MOGAT3: variants seen among roughly 807,000 people sequenced by gnomAD.
MOGAT3 encodes the protein 2-acylglycerol O-acyltransferase 3.
MOGAT3 carries 39 observed loss-of-function variants against 34.4 expected under a neutral mutation model. The ratio of observed to expected loss-of-function variants is 1.13; its 90% CI spans 0.88 to 1.48. The LOEUF (loss-of-function observed/expected upper bound fraction) is 1.48. Among genes scored for constraint, MOGAT3 ranks in the 40% most tolerant of loss-of-function variants. MOGAT3 has a pLI of 0.00. For synonymous variants in MOGAT3, 209 were observed against 179.2 expected, an observed-to-expected ratio of 1.17 and a Z score of -1.33; for missense variants, 439 against 438.9, an observed-to-expected ratio of 1.00 and a Z score of 0.00.
chr7:101,197,006 T>G (rs1797808746), intron 5 of MOGAT3, among the ~76,000 whole-genome samples: 1 of 151,628 alleles, frequency 6.6e-6, no homozygotes, highest in African/African-American at 2.4e-5. Context: ...CTACTAAAAA[T>G]ACAAAAATTA....
chr7:101,193,865 C>T (rs907749586), downstream of MOGAT3, among the ~76,000 whole-genome samples: 4 of 152,152 alleles, frequency 2.6e-5, no homozygotes, highest in African/African-American at 9.7e-5. Flanking sequence ...TTTTATAGGA[C>T]GGTAGAAGCA....
Position 101,200,240 on chromosome 7 carries a change from A to G in MOGAT3, c.282T>C (p.Pro94=). Residue 94 remains proline, a synonymous_variant, in exon 3 of 7, where the codon CCT becomes CCC. Transcript: ENST00000223114. ...AIWRQLRDYY[P]VKLVKTAELP... ...CTGCAGGGTGACCCATCACCTTGACAGGATAATAATCCCTTAGTTGTCTCC... is the reference window on the plus strand; with the variant it reads ...CTGCAGGGTGACCCATCACCTTGACGGGATAATAATCCCTTAGTTGTCTCC... 2 of 1,613,998 alleles carry G rather than the reference A, an allele frequency of 1.2e-6. No individual in the cohort carries two copies.
At position 101,200,218 on chromosome 7, in the gene MOGAT3, C is replaced by A; in HGVS notation, c.288+16G>T. 1 of 1,611,818 alleles carries A rather than the reference C, an allele frequency of 6.2e-7. No individual in the cohort carries two copies. The highest frequency in any genetic ancestry group is 8.5e-7 in the Non-Finnish European group (1 of 1,178,000). On this transcript the variant is annotated intron_variant, in intron 3 of 6. Transcript: ENST00000223114. ...GGAGAGGTAGGAAGCAGTTTTTCTG[C>A]AGGGTGACCCATCACCTTGACAGGA...
chr7:101,199,302 ACT>A (rs1235263839), intron 3 of MOGAT3, among the ~76,000 whole-genome samples: 3 of 147,814 alleles, frequency 2.0e-5, no homozygotes, highest in Non-Finnish European at 4.5e-5. Flanking sequence ...CACCTCACCC[ACT>A]CTCTCTTTTT....
At chr7:101,199,675 C>T (rs1187395860) in intron 3 of MOGAT3, among the ~76,000 whole-genome samples, 6 of 148,066 alleles carry the variant, frequency 4.1e-5, no homozygotes, top group East Asian at 4.1e-4. Flanking sequence ...AGTACAGTGG[C>T]GCAATCATGG....
chr7:101,196,162 C>A lies in MOGAT3; in HGVS notation c.871+25G>T, dbSNP rs375032418. On this transcript the variant is annotated intron_variant, in intron 6 of 6. Transcript: ENST00000223114. ...TGATGCCCACGCAGCTGCTGGTGGC[C>A]GTCCCCCCGGAGGTGGGCACTCACC... The A allele has an allele frequency of 1.9e-6, 3 of 1,569,504 alleles. No homozygotes were observed. The South Asian group carries it at 3.5e-5, about 18-fold the overall frequency.
intron 5 of MOGAT3, among the ~76,000 whole-genome samples, chr7:101,196,825 C>T (rs1797803929): frequency 6.6e-6 from 1 of 152,182 alleles, no homozygotes; most frequent in Admixed American, 6.6e-5. Flanking sequence ...GCTAAGATCA[C>T]ACCACTGCAC....
At chr7:101,197,872 A>G (rs557997845) in intron 5 of MOGAT3, among the ~76,000 whole-genome samples, 11 of 152,346 alleles carry the variant, frequency 7.2e-5, no homozygotes, top group Admixed American at 7.2e-4. Context: ...TGTCTCAACA[A>G]CAATAACAAA....
intron 2 of MOGAT3, 41 bp downstream of exon 2, chr7:101,200,367 C>A (rs769828414): frequency 9.3e-6 from 15 of 1,609,580 alleles, no homozygotes; most frequent in Non-Finnish European, 1.3e-5. Flanking sequence ...CCCCCATGTC[C>A]CCACCATCTC....
Position 101,196,327 on chromosome 7 carries a change from G to A in MOGAT3, c.731C>T (p.Ala244Val), listed in dbSNP as rs1382440646. ...GCACCAATGCTGCCAGGAGCCTGTG[G>A]CAAAAGCCTTAAGTCTAAAGATGTC... ...ENDIFRLKAF[A>V]TGSWQHWCQL... Residue 244 changes from alanine to valine, a missense_variant, in exon 6 of 7, where the codon GCC (alanine) becomes GTC (valine). Transcript: ENST00000223114. The A allele has an allele frequency of 1.9e-6, 3 of 1,613,936 alleles. No homozygotes were observed. Among genetic ancestry groups the A allele is most frequent in the African/African-American group, 1.3e-5 (1 of 74,908 alleles).
Position 101,198,832 on chromosome 7 carries a change from T to C in MOGAT3, c.289-2A>G. 6.2e-7 allele frequency: 1 copy of C among 1,613,638 alleles called. No individual in the cohort carries two copies. The highest frequency in any genetic ancestry group is 8.5e-7 in the Non-Finnish European group (1 of 1,179,876). On this transcript the variant is annotated splice_acceptor_variant, in intron 3 of 6. Transcript: ENST00000223114. LOFTEE classifies it high-confidence loss of function. ...GGGCAGCTCTGCTGTTTTCACCAGC[T>C]TCGGGGTGTTGAGCAGGATGAAGGG...
At chr7:101,198,888 A>G in intron 3 of MOGAT3, 58 bp from the exon 4 acceptor site, 1 of 1,497,156 alleles carries the variant, frequency 6.7e-7, no homozygotes. Flanking sequence ...GGCTGAAAAG[A>G]GGGGCCCTCC....
rs148580757 is a variant in MOGAT3, at chr7:101,200,782, C to T, written c.73G>A (p.Gly25Ser). The change falls in exon 1 of 7, where the codon GGC becomes AGC. Residue 25 changes from glycine to serine, a missense_variant. Transcript: ENST00000223114. ...TLQKQHLEAV[G>S]AYQYVLTFLF... The stretch of plus-strand genomic sequence containing the variant: ...AAAGTGAGCACATATTGGTAGGCGC[C>T]CACTGCTTCTAGATGCTGCTTCTGC... 9 of 1,614,030 alleles carry T rather than the reference C, an allele frequency of 5.6e-6. No homozygotes were observed. The highest frequency in any genetic ancestry group is 7.6e-6 in the Non-Finnish European group (9 of 1,180,026).
Position 101,198,761 on chromosome 7 carries a change from A to C in MOGAT3, c.358T>G (p.Cys120Gly). The C allele has an allele frequency of 6.2e-7, 1 of 1,613,990 alleles. No individual in the cohort carries two copies. ...VLGAHPHGIM[C>G]TGFLCNFSTE... is the part of the protein sequence containing the mutation. ...GAGAAATTACAGAGGAAGCCTGTACACATGATCCCATGAGGGTGGGCGCCC... is the reference window on the plus strand; with the variant it reads ...GAGAAATTACAGAGGAAGCCTGTACCCATGATCCCATGAGGGTGGGCGCCC... The change falls in exon 4 of 7, where the codon TGT (cysteine) becomes GGT (glycine). Residue 120 changes from cysteine to glycine, a missense_variant. Cys to Gly is a radical substitution (Grantham distance 159). Coordinates refer to ENST00000223114, the MANE Select transcript of MOGAT3 (RefSeq NM_178176.4).
intron 5 of MOGAT3, among the ~76,000 whole-genome samples, 176 bp downstream of exon 5, chr7:101,198,015 G>A (rs1230295325): frequency 1.3e-5 from 2 of 152,318 alleles, no homozygotes; most frequent in East Asian, 1.9e-4. Flanking sequence ...TAGGGTAAGC[G>A]GGCCCCATGT....
At position 101,195,710 on chromosome 7, in the gene MOGAT3, TAAC is replaced by T. The variant is rs1797758406; in HGVS notation, c.*233_*235del. 2 of 553,420 alleles carry T rather than the reference TAAC, an allele frequency of 3.6e-6. No individual in the cohort carries two copies. Among genetic ancestry groups the T allele is most frequent in the Non-Finnish European group, 3.2e-6 (1 of 311,572 alleles). The allele number at this position is 553,420 out of a possible 1,614,324, so 34.3% of individuals were successfully genotyped here. A position where few individuals can be genotyped will look rare whatever the true frequency, so the allele number is the denominator to read the frequency against. On this transcript the variant is annotated 3_prime_UTR_variant, in exon 7 of 7. Coordinates refer to ENST00000223114, the MANE Select transcript of MOGAT3 (RefSeq NM_178176.4). ...GCACATGCCACCATGCCCGGCTAAT[TAAC>T]AACATTATTTTTTAATTTTTGTAGA...
intron 5 of MOGAT3, among the ~76,000 whole-genome samples, chr7:101,197,415 T>G (rs1458213213): frequency 1.3e-5 from 2 of 152,056 alleles, no homozygotes; most frequent in Admixed American, 6.6e-5. Context: ...CTTGAACTCC[T>G]GGCTTCAAGT....
intron 5 of MOGAT3, among the ~76,000 whole-genome samples, chr7:101,196,698 C>T (rs764734404): frequency 6.6e-6 from 1 of 151,696 alleles, no homozygotes; most frequent in African/African-American, 2.4e-5. Context: ...GTGAAACCCC[C>T]GTCTCTGCAA....
At chr7:101,198,518 G>T in intron 4 of MOGAT3, 108 bp downstream of exon 4, 1 of 1,322,246 alleles carries the variant, frequency 7.6e-7, no homozygotes, top group Non-Finnish European at 1.0e-6. Flanking sequence ...GCTCAGGCTG[G>T]CCCCTGTCCT....
Sources: gnomAD v4.1 joint callset for allele counts (sites outside exome capture counted in the v4.1 genomes callset) on GRCh38, gnomAD v4.1.1 for gene constraint, MANE v1.5 for transcripts, NCBI Gene and HGNC (gene_info 2026-07-23, HGNC 2026-07-21) for gene names.